Variants in STPG4 observed in about 807,000 individuals in gnomAD.
STPG4 encodes sperm-tail PG-rich repeat containing 4.
In STPG4, 41 loss-of-function variants were observed where a neutral mutation model predicts 31.5. That is an observed-to-expected ratio of 1.30 (90% CI 1.01 to 1.69). STPG4 has a LOEUF of 1.69. STPG4 is among the 40% of genes most tolerant of loss of function. The pLI, the probability that STPG4 is intolerant of heterozygous loss-of-function variation, is 0.00. For synonymous variants in STPG4, 141 were observed against 103.0 expected (o/e 1.37, Z -2.24); for missense variants, 375 against 293.4 (o/e 1.28, Z -2.03).
chr2:47,118,247 C>T (rs6729403), intron 5 of STPG4, among the ~76,000 whole-genome samples: 3,878 of 152,166 alleles, frequency 0.025, 173 homozygotes, highest in African/African-American at 0.088. Context: ...ATCAGATCAG[C>T]GGCAGCATTA....
rs577745058 is a variant in STPG4 at position 47,104,191 on chromosome 2, A to G, written c.520-13817T>C. ...ATTGGAAGGACAATTTGGAAGGGCA[A>G]AAAATGCCCACCCAGTCCAAATCAG... On this transcript the variant is annotated intron_variant, in intron 5 of 6. Transcript: ENST00000445927. 5.8e-4 allele frequency among the ~76,000 whole-genome samples: 89 copies of G among 152,140 alleles called. 2 individuals carry two copies. Among genetic ancestry groups the G allele is most frequent in the African/African-American group, 1.8e-3 (73 of 41,398 alleles).
chr2:47,107,762 G>A (rs1187719905), intron 5 of STPG4, among the ~76,000 whole-genome samples: 2 of 152,164 alleles, frequency 1.3e-5, no homozygotes, highest in Admixed American at 1.3e-4. Context: ...TGGGGACGTG[G>A]AGAACCTTTA....
intron 5 of STPG4, among the ~76,000 whole-genome samples, chr2:47,097,489 G>A (rs1019493486): frequency 1.1e-4 from 17 of 152,056 alleles, no homozygotes; most frequent in African/African-American, 3.9e-4. Flanking sequence ...CCTCAGGGAT[G>A]GGACTCCTGC....
chr2:47,102,245 G>A lies in STPG4; in HGVS notation c.520-11871C>T, dbSNP rs116661888. The stretch of plus-strand genomic sequence containing the variant: ...GGTCCAGGGACCATTGCAGGTTCTC[G>A]AGCAGGGGAAGAAACAAAATAAACC... On this transcript the variant is annotated intron_variant, in intron 5 of 6. Transcript: ENST00000445927. Among the ~76,000 whole-genome samples the A allele has an allele frequency of 6.6e-5, 9 of 136,148 alleles. No homozygotes were observed. In the East Asian group the frequency reaches 9.6e-4, roughly 15 times the overall value. 89.3% of individuals were successfully genotyped at this position (136,148 alleles called of 152,430 possible). A position where few individuals can be genotyped will look rare whatever the true frequency, so the allele number is the denominator to read the frequency against.
chr2:47,150,575 A>G (rs72810414), intron 3 of STPG4, among the ~76,000 whole-genome samples: 22,702 of 151,436 alleles, frequency 0.15, 2,103 homozygotes, highest in African/African-American at 0.25. Context: ...GGGTACAGTC[A>G]TATAATCATA....
intron 5 of STPG4, among the ~76,000 whole-genome samples, chr2:47,101,625 C>A (rs181546104): frequency 1.3e-5 from 2 of 151,694 alleles, no homozygotes; most frequent in Middle Eastern, 3.2e-3. Context: ...TTTAGGCACC[C>A]GGGTTCACCA....
At position 47,126,934 on chromosome 2, in the gene STPG4, G is replaced by C. The variant is rs187530137; in HGVS notation, c.519+3007C>G. ...TTTACTTCTTTCCTCTTGTGCTTTA[G>C]GATCCTTTCTTTGTGCTTGATTTTT... On this transcript the variant is annotated intron_variant, in intron 5 of 6. Coordinates refer to ENST00000445927, the MANE Select transcript of STPG4 (RefSeq NM_001163561.2). 7.1e-3 allele frequency among the ~76,000 whole-genome samples: 1,084 copies of C among 152,014 alleles called. 8 individuals are homozygous for C. The highest frequency in any genetic ancestry group is 0.012 in the Non-Finnish European group (813 of 67,958).
chr2:47,106,606 G>T (rs568450742), intron 5 of STPG4, among the ~76,000 whole-genome samples: 4 of 152,062 alleles, frequency 2.6e-5, no homozygotes, highest in Non-Finnish European at 5.9e-5. Context: ...TGCTGAAAAA[G>T]GAGGACTCTG....
chr2:47,097,925 C>T (rs897512076), intron 5 of STPG4, among the ~76,000 whole-genome samples: 1 of 149,384 alleles, frequency 6.7e-6, no homozygotes, highest in African/African-American at 2.5e-5. Flanking sequence ...TGAGACCAGC[C>T]TGACCAACAT....
At chr2:47,115,832 T>G (rs1479421265) in intron 5 of STPG4, among the ~76,000 whole-genome samples, 1 of 152,126 alleles carries the variant, frequency 6.6e-6, no homozygotes, top group East Asian at 1.9e-4. Context: ...TTTTGTATTT[T>G]TATTAGAGAC....
intron 2 of STPG4, among the ~76,000 whole-genome samples, chr2:47,152,270 G>T (rs891742202): frequency 6.6e-6 from 1 of 152,204 alleles, no homozygotes. Context: ...GGATAAACTG[G>T]CAGAGCATAT....
chr2:47,107,004 G>T (rs569159217), intron 5 of STPG4, among the ~76,000 whole-genome samples: 1 of 152,060 alleles, frequency 6.6e-6, no homozygotes, highest in African/African-American at 2.4e-5. Flanking sequence ...CAACTGCAGG[G>T]CCCCTTCATC....
chr2:47,111,069 G>A (rs910329524), intron 5 of STPG4, among the ~76,000 whole-genome samples: 3 of 152,172 alleles, frequency 2.0e-5, no homozygotes, highest in African/African-American at 4.8e-5. Context: ...TTTTCTTAAA[G>A]TAGAATTTAT....
chr2:47,088,547 G>C (rs1417664513), intron 6 of STPG4, among the ~76,000 whole-genome samples: 2 of 152,180 alleles, frequency 1.3e-5, no homozygotes, highest in Non-Finnish European at 2.9e-5. Context: ...TGCCTCTAGG[G>C]GGCTATGAGG....
chr2:47,111,322 G>T (rs1686032961), intron 5 of STPG4, among the ~76,000 whole-genome samples: 1 of 152,186 alleles, frequency 6.6e-6, no homozygotes. Context: ...TATGTTCAAA[G>T]AAGTAGTGCA....
At chr2:47,148,869 T>C (rs1686879802) in intron 3 of STPG4, among the ~76,000 whole-genome samples, 1 of 152,232 alleles carries the variant, frequency 6.6e-6, no homozygotes, top group Non-Finnish European at 1.5e-5. Flanking sequence ...CTCATCCTTT[T>C]TTATGGCTGC....
chr2:47,106,335 C>CTTATCAG (rs1685909804), intron 5 of STPG4, among the ~76,000 whole-genome samples: 2 of 151,844 alleles, frequency 1.3e-5, no homozygotes, highest in South Asian at 4.2e-4. Context: ...GAAATCAGAC[C>CTTATCAG]TTATCAGTAC....
chr2:47,128,446 C>A (rs1686406021), intron 5 of STPG4, among the ~76,000 whole-genome samples: 1 of 152,158 alleles, frequency 6.6e-6, no homozygotes, highest in Non-Finnish European at 1.5e-5. Flanking sequence ...GAGCCAGGGC[C>A]TGGAGTCAGG....
intron 5 of STPG4, chr2:47,121,250 G>C (rs1347216979): frequency 3.2e-5 from 5 of 154,126 alleles, no homozygotes; most frequent in African/African-American, 7.2e-5. Context: ...CCCTACAGGA[G>C]ACAGGGAGTT....
Sources: gnomAD v4.1 joint callset for allele counts (sites outside exome capture counted in the v4.1 genomes callset) on GRCh38, gnomAD v4.1.1 for gene constraint, MANE v1.5 for transcripts, NCBI Gene and HGNC (gene_info 2026-07-23, HGNC 2026-07-21) for gene names.